The following TP53I11 variants were observed in gnomAD, a reference collection of about 807,000 sequenced individuals.
TP53I11 encodes tumor protein p53 inducible protein 11.
TP53I11 carries 9 observed loss-of-function variants against 23.3 expected under a neutral mutation model. That is an observed-to-expected ratio of 0.39 (90% CI 0.23 to 0.67). The LOEUF is 0.67. Among genes scored for constraint, TP53I11 ranks in the 30% least tolerant of loss-of-function variants. The pLI is 0.48. For missense variants in TP53I11, 170 were observed against 255.2 expected (o/e 0.67, Z 2.27); for synonymous variants, 100 against 106.1 (o/e 0.94, Z 0.35).
intron 2 of TP53I11, 56 bp downstream of exon 2, chr11:44,938,151 G>T: frequency 1.3e-6 from 2 of 1,562,246 alleles, no homozygotes; most frequent in South Asian, 1.2e-5. Context: ...CTCCCCTAAT[G>T]GTGGGTCAGC....
At position 44,936,127 on chromosome 11, in the gene TP53I11, G is replaced by T; in HGVS notation, c.335-465C>A. On this transcript the variant is annotated intron_variant, in intron 5 of 6. Transcript: ENST00000525680. The surrounding 1 kb of genome is among the most constrained non-coding windows in gnomAD (Gnocchi z 4.4). ...GCTTTAAGGAAGTCCCCTGGGGGAG[G>T]GGGATGAACCATACTTTTTAGCAGA... The T allele has an allele frequency of 1.3e-6, 1 of 771,844 alleles. No individual in the cohort carries two copies. The highest frequency in any genetic ancestry group is 1.6e-6 in the Non-Finnish European group (1 of 627,216). 47.8% of individuals were successfully genotyped at this position (771,844 alleles called of 1,614,324 possible). A position where few individuals can be genotyped will look rare whatever the true frequency, so the allele number is the denominator to read the frequency against.
chr11:44,942,995 C>T (rs76296311), intron 1 of TP53I11, among the ~76,000 whole-genome samples: 1,772 of 152,330 alleles, frequency 0.012, 25 homozygotes, highest in African/African-American at 0.041. Flanking sequence ...GAAGACTCCA[C>T]CGTGCACTAT....
At chr11:44,938,604 T>C (rs1861430662) in intron 1 of TP53I11, among the ~76,000 whole-genome samples, 1 of 152,204 alleles carries the variant, frequency 6.6e-6, no homozygotes, top group South Asian at 2.1e-4. Context: ...ACACCCCATC[T>C]GACAGGTTGC....
At chr11:44,947,030 A>G (rs562119087) in intron 1 of TP53I11, 7 of 456,338 alleles carry the variant, frequency 1.5e-5, no homozygotes, top group Non-Finnish European at 2.2e-5. Context: ...AAATATGAAC[A>G]TTCCTTACTG....
chr11:44,937,110 AT>A, intron 4 of TP53I11, 193 bp downstream of exon 4: 1 of 792,876 alleles, frequency 1.3e-6, no homozygotes, highest in Non-Finnish European at 2.0e-6. Context: ...GCCACAAACC[AT>A]GGGATCTAGT....
At chr11:44,938,811 A>C (rs866847264) in intron 1 of TP53I11, among the ~76,000 whole-genome samples, 2 of 152,116 alleles carry the variant, frequency 1.3e-5, no homozygotes, top group South Asian at 2.1e-4. Context: ...TTGGGCCCCC[A>C]CCAAACTTCT....
rs189714362 is a variant in TP53I11 at position 44,935,317 on chromosome 11, G to A, written c.436+244C>T. Among the ~76,000 whole-genome samples, 865 of 152,296 alleles carry A rather than the reference G, an allele frequency of 5.7e-3. 4 individuals are homozygous for A. Among genetic ancestry groups the A allele is most frequent in the African/African-American group, 0.02 (834 of 41,550 alleles). On this transcript the variant is annotated intron_variant, in intron 6 of 6. Transcript: ENST00000525680. ...GTGTGGGGGGGCCGCAGGTACATGT[G>A]TGTGCAAGGCCATAGATACAAGTGT... is the stretch of plus-strand genomic sequence containing the variant.
At chr11:44,935,768 G>A in intron 5 of TP53I11, 106 bp from the exon 6 acceptor site, 1 of 789,132 alleles carries the variant, frequency 1.3e-6, no homozygotes, top group Non-Finnish European at 2.1e-6. Context: ...CAAGACAGCT[G>A]GGGTCCTGGA....
At position 44,936,710 on chromosome 11, in the gene TP53I11, G is replaced by A; in HGVS notation, c.334+93C>T. ...AGCATCTGGCCGAAGAAAGGAAGGG[G>A]TGCCCGGGCACGGACCCCCGTGCTC... On this transcript the variant is annotated intron_variant, in intron 5 of 6. Transcript: ENST00000525680. This position sits in a 1 kb window ranked among gnomAD's most constrained non-coding sequence, Gnocchi z 4.4. 1 of 1,349,878 alleles carries A rather than the reference G, an allele frequency of 7.4e-7. No individual in the cohort carries two copies. Among genetic ancestry groups the A allele is most frequent in the African/African-American group, 1.5e-5 (1 of 65,602 alleles). The allele number at this position is 1,349,878 out of a possible 1,614,324, so 83.6% of individuals were successfully genotyped here.
intron 1 of TP53I11, chr11:44,949,921 C>T (rs1211734869): frequency 6.6e-6 from 1 of 152,336 alleles, no homozygotes; most frequent in Admixed American, 6.5e-5. Context: ...CTCTCTCAGC[C>T]TCGCCCCTCC....
intron 1 of TP53I11, among the ~76,000 whole-genome samples, chr11:44,943,916 C>T (rs1052299425): frequency 3.3e-5 from 5 of 152,188 alleles, no homozygotes; most frequent in African/African-American, 1.2e-4. Flanking sequence ...CTCAGAAGCC[C>T]ACAGGTTAGA....
At chr11:44,945,043 G>A (rs71491855) in intron 1 of TP53I11, among the ~76,000 whole-genome samples, 15,586 of 152,260 alleles carry the variant, frequency 0.1, 1,036 homozygotes, top group Admixed American at 0.15. Context: ...CTGGGGGAGT[G>A]GGGAAGATGA....
rs887597086 is a variant in TP53I11 at position 44,936,453 on chromosome 11, G to A, written c.334+350C>T. On this transcript the variant is annotated intron_variant, in intron 5 of 6. Coordinates refer to ENST00000525680, the MANE Select transcript of TP53I11 (RefSeq NM_006034.5). This position sits in a 1 kb window ranked among gnomAD's most constrained non-coding sequence, Gnocchi z 4.4. ...AAATAGGGGGGGTGCGAGGGGTTTT[G>A]CAGACACTGAATTGATCTGCCTCTC... The A allele has an allele frequency of 4.9e-6, 6 of 1,233,624 alleles. No homozygotes were observed. In the South Asian group the frequency reaches 1.7e-4, roughly 34 times the overall value. The allele number at this position is 1,233,624 out of a possible 1,614,324, so 76.4% of individuals were successfully genotyped here.
At chr11:44,939,336 G>C (rs142517707) in intron 1 of TP53I11, 1 of 152,346 alleles carries the variant, frequency 6.6e-6, no homozygotes, top group Admixed American at 6.5e-5. Context: ...CCAAGCTCCC[G>C]GGGTTTCAAT....
chr11:44,942,133 A>G (rs1246291554), intron 1 of TP53I11, among the ~76,000 whole-genome samples: 3 of 137,248 alleles, frequency 2.2e-5, no homozygotes, highest in Non-Finnish European at 4.6e-5. Flanking sequence ...ACACAAACCC[A>G]CCACACATAC....
In TP53I11 at chr11:44,934,831, C is replaced by A. The variant is rs1860896037; in HGVS notation, c.*53G>T. ...TCCAGGAGCCAAAGGGAAGCCGAGG[C>A]CCCAGCGCCACTCTGGCCCAGGCAT... On this transcript the variant is annotated 3_prime_UTR_variant, in exon 7 of 7. Transcript: ENST00000525680. 6.2e-7 allele frequency: 1 copy of A among 1,608,944 alleles called. No homozygotes were observed.
chr11:44,942,155 C>T lies in TP53I11; in HGVS notation c.-31-3789G>A, dbSNP rs112003483. Among the ~76,000 whole-genome samples the T allele has an allele frequency of 7.5e-3, 1,107 of 147,272 alleles. 7 individuals are homozygous for T. Among genetic ancestry groups the T allele is most frequent in the Admixed American group, 0.012 (174 of 14,720 alleles). ...CCCACCACACATACATCACACACAC[C>T]CACCATACACAATGCACACACAAAA... On this transcript the variant is annotated intron_variant, in intron 1 of 6. Coordinates refer to ENST00000525680, the MANE Select transcript of TP53I11 (RefSeq NM_006034.5).
rs1862904481 is a variant in TP53I11 at position 44,950,862 on chromosome 11, G to A, written c.-217C>T. ...GGCTGGACTGCGCGCGGCGCCCTGCGCGGCCGGGGCTTACCGAGTCTGGCG... is the reference window on the plus strand; with the variant it reads ...GGCTGGACTGCGCGCGGCGCCCTGCACGGCCGGGGCTTACCGAGTCTGGCG... On this transcript the variant is annotated 5_prime_UTR_variant, in exon 1 of 7. Coordinates refer to ENST00000525680, the MANE Select transcript of TP53I11 (RefSeq NM_006034.5). 6.6e-6 allele frequency: 1 copy of A among 152,224 alleles called. No homozygotes were observed. Among genetic ancestry groups the A allele is most frequent in the Non-Finnish European group, 1.5e-5 (1 of 68,422 alleles). The allele number at this position is 152,224 out of a possible 1,614,324, so 9.4% of individuals were successfully genotyped here. A position where few individuals can be genotyped will look rare whatever the true frequency, so the allele number is the denominator to read the frequency against.
In TP53I11 at chr11:44,935,797, A is replaced by G. The variant is rs1303604514; in HGVS notation, c.335-135T>C. ...TCCTGGACTCCACGCCTCCGCCCCT[A>G]TTCACATTTCTCAAATCAAAGCTGT... On this transcript the variant is annotated intron_variant, in intron 5 of 6. Transcript: ENST00000525680. The G allele has an allele frequency of 4.7e-6, 3 of 641,438 alleles. No homozygotes were observed. The African/African-American group carries it at 5.6e-5, about 12-fold the overall frequency. 39.7% of individuals were successfully genotyped at this position (641,438 alleles called of 1,614,324 possible).
Sources: allele counts gnomAD v4.1 joint callset (sites outside exome capture counted in the v4.1 genomes callset), GRCh38; gene constraint gnomAD v4.1.1; non-coding constraint Gnocchi (gnomAD v3.1); transcripts MANE v1.5; gene names NCBI Gene and HGNC (gene_info 2026-07-23, HGNC 2026-07-21).